Variants in EPHB1 observed in about 807,000 individuals in gnomAD.
EPHB1 encodes the protein EPH receptor B1.
In EPHB1, 30 loss-of-function variants were observed where a neutral mutation model predicts 94.4. That is an observed-to-expected ratio of 0.32 (90% CI 0.24 to 0.43). EPHB1 has a LOEUF of 0.43. Ranked by LOEUF, EPHB1 falls within the 20% of genes least tolerant of loss-of-function variation. The pLI is 1.00. For missense variants in EPHB1, 1,055 were observed against 1,308.3 expected, an observed-to-expected ratio of 0.81 and a Z score of 2.99; for synonymous variants, 522 against 489.1, an observed-to-expected ratio of 1.07 and a Z score of -0.89.
chr3:135,190,410 C>T (rs1942424769), intron 10 of EPHB1, among the ~76,000 whole-genome samples: 2 of 152,306 alleles, frequency 1.3e-5, no homozygotes, highest in South Asian at 4.1e-4. Flanking sequence ...AACCAATATT[C>T]TTCCATTAGT....
At chr3:134,800,263 A>G (rs2035911934) in intron 1 of EPHB1, among the ~76,000 whole-genome samples, 1 of 152,190 alleles carries the variant, frequency 6.6e-6, no homozygotes, top group Non-Finnish European at 1.5e-5. Context: ...CAATATAAGG[A>G]CACACTCTGT....
intron 3 of EPHB1, among the ~76,000 whole-genome samples, chr3:135,099,143 G>T (rs1316151647): frequency 1.4e-5 from 2 of 147,736 alleles, no homozygotes; most frequent in Non-Finnish European, 3.0e-5. Flanking sequence ...TTTATCTTTT[G>T]TGTCTTATCA....
intron 9 of EPHB1, among the ~76,000 whole-genome samples, chr3:135,177,533 A>G (rs1270504062): frequency 6.6e-6 from 1 of 152,214 alleles, no homozygotes; most frequent in Admixed American, 6.5e-5. Flanking sequence ...ACTCTGAAGC[A>G]TGTGCTAACC....
chr3:135,175,194 C>G (rs1941942106), intron 9 of EPHB1, among the ~76,000 whole-genome samples: 1 of 152,172 alleles, frequency 6.6e-6, no homozygotes, highest in African/African-American at 2.4e-5. Flanking sequence ...CCCGACTTTT[C>G]AGATACACTC....
intron 1 of EPHB1, among the ~76,000 whole-genome samples, chr3:134,879,824 T>TA (rs11431190): frequency 0.19 from 28,497 of 151,090 alleles, 2,844 homozygotes; most frequent in South Asian, 0.29. Flanking sequence ...AAAATCAAAT[T>TA]AAAAAAAAGT....
intron 1 of EPHB1, among the ~76,000 whole-genome samples, chr3:134,843,072 T>C (rs1024786803): frequency 6.6e-6 from 1 of 152,268 alleles, no homozygotes; most frequent in Non-Finnish European, 1.5e-5. Context: ...GTTTGTATTT[T>C]ATGCAGATTT....
At chr3:135,179,695 G>A (rs955070974) in intron 9 of EPHB1, among the ~76,000 whole-genome samples, 165 bp from the exon 10 acceptor site, 1 of 152,168 alleles carries the variant, frequency 6.6e-6, no homozygotes, top group African/African-American at 2.4e-5. Flanking sequence ...CAGAAGGAAG[G>A]GAGATGAGGA....
intron 11 of EPHB1, among the ~76,000 whole-genome samples, chr3:135,196,975 G>A (rs141357930): frequency 0.013 from 1,982 of 152,072 alleles, 40 homozygotes; most frequent in African/African-American, 0.046. Context: ...GAAACAATTC[G>A]GCTGGGCGCG....
intron 4 of EPHB1, among the ~76,000 whole-genome samples, chr3:135,124,528 A>G (rs1243718712): frequency 1.3e-5 from 2 of 151,610 alleles, no homozygotes; most frequent in African/African-American, 2.4e-5. Context: ...ACTGTTCTAA[A>G]CCTTTACTTA....
At chr3:134,941,261 T>C (rs1054360138) in intron 2 of EPHB1, among the ~76,000 whole-genome samples, 3 of 151,552 alleles carry the variant, frequency 2.0e-5, no homozygotes, top group African/African-American at 7.3e-5. Context: ...TCTCTCACCT[T>C]CATTTTATAG....
chr3:134,847,245 G>C (rs1174674247), intron 1 of EPHB1, among the ~76,000 whole-genome samples: 1 of 152,128 alleles, frequency 6.6e-6, no homozygotes, highest in Non-Finnish European at 1.5e-5. Flanking sequence ...GCAAGGCGGG[G>C]CTCCACCTCC....
At chr3:134,805,837 G>A (rs888764173) in intron 1 of EPHB1, among the ~76,000 whole-genome samples, 4 of 152,244 alleles carry the variant, frequency 2.6e-5, no homozygotes, top group African/African-American at 9.6e-5. Context: ...CACTCGATTG[G>A]GTTGCCCTCT....
At chr3:135,217,517 A>G (rs556976491) in intron 12 of EPHB1, among the ~76,000 whole-genome samples, 144 of 152,144 alleles carry the variant, frequency 9.5e-4, no homozygotes, top group Middle Eastern at 3.4e-3. Context: ...AGTTATGCAC[A>G]TGTTGTTACG....
intron 1 of EPHB1, among the ~76,000 whole-genome samples, chr3:134,914,454 C>T (rs2038522362): frequency 6.6e-6 from 1 of 152,170 alleles, no homozygotes; most frequent in African/African-American, 2.4e-5. Flanking sequence ...GTCTCACAAC[C>T]AGACAGCAAT....
intron 12 of EPHB1, among the ~76,000 whole-genome samples, chr3:135,226,408 C>T (rs967189482): frequency 2.6e-5 from 4 of 152,216 alleles, no homozygotes; most frequent in Admixed American, 6.5e-5. Flanking sequence ...AAGAAATTCA[C>T]GAACGAGTGA....
At chr3:135,099,322 CGGATGGATGGACGGATGGAT>C (rs1159842202) in intron 3 of EPHB1, among the ~76,000 whole-genome samples, 5 of 27,526 alleles carry the variant, frequency 1.8e-4, no homozygotes, top group African/African-American at 4.1e-4. Context: ...GATGGATGGA[CGGATGGATGGACGGATGGAT>C]GGATGGATGG....
chr3:134,925,553 G>A (rs2038773582), intron 1 of EPHB1, among the ~76,000 whole-genome samples: 1 of 152,166 alleles, frequency 6.6e-6, no homozygotes, highest in African/African-American at 2.4e-5. Context: ...AGGAGCCTTG[G>A]GGTCACCGGG....
At chr3:134,900,530 T>C (rs368503708) in intron 1 of EPHB1, among the ~76,000 whole-genome samples, 3 of 152,126 alleles carry the variant, frequency 2.0e-5, no homozygotes, top group African/African-American at 7.2e-5. Context: ...TAAAATAACA[T>C]GGACTTCAGG....
intron 4 of EPHB1, among the ~76,000 whole-genome samples, chr3:135,127,091 A>G (rs1268080575): frequency 1.3e-5 from 2 of 152,230 alleles, no homozygotes; most frequent in East Asian, 3.9e-4. Context: ...ACCATCTTTC[A>G]GATAAGGAAA....
Sources: gnomAD v4.1 joint callset for allele counts (sites outside exome capture counted in the v4.1 genomes callset) on GRCh38, gnomAD v4.1.1 for gene constraint, MANE v1.5 for transcripts, NCBI Gene and HGNC (gene_info 2026-07-23, HGNC 2026-07-21) for gene names.